Variants in PRDM1 observed in about 807,000 individuals in gnomAD.
PRDM1 encodes the protein PR domain zinc finger protein 1.
PRDM1 carries 13 observed loss-of-function variants against 62.8 expected under a neutral mutation model. The observed-to-expected ratio is 0.21, with a 90% CI of 0.13 to 0.33. The LOEUF is 0.33. Ranked by LOEUF, PRDM1 falls within the 10% of genes least tolerant of loss-of-function variation. The pLI, the probability that PRDM1 is intolerant of heterozygous loss-of-function variation, is 1.00. For missense variants in PRDM1, 895 were observed against 1,058.8 expected (o/e 0.85, Z 2.15); for synonymous variants, 396 against 417.6 (o/e 0.95, Z 0.63).
At chr6:106,058,798 G>A (rs372240150) in intron 1 of PRDM1, among the ~76,000 whole-genome samples, 6 of 152,060 alleles carry the variant, frequency 3.9e-5, no homozygotes, top group Admixed American at 6.5e-5. Context: ...TTGAACTCCC[G>A]ACCTCAGGTG....
chr6:106,083,366 C>CT (rs982111303), upstream of PRDM1, among the ~76,000 whole-genome samples: 68 of 151,604 alleles, frequency 4.5e-4, no homozygotes, highest in Non-Finnish European at 2.5e-4. Flanking sequence ...CATTTCATCC[C>CT]TTTTTTTTAC....
chr6:106,053,146 C>G (rs80162042), intron 1 of PRDM1, among the ~76,000 whole-genome samples: 3,717 of 152,126 alleles, frequency 0.024, 59 homozygotes, highest in Middle Eastern at 0.045. Context: ...GGAAACTGGA[C>G]TCAATTTCAT....
chr6:106,101,726 A>G (rs1554204631), intron 4 of PRDM1, among the ~76,000 whole-genome samples: 1 of 152,236 alleles, frequency 6.6e-6, no homozygotes, highest in Non-Finnish European at 1.5e-5. Context: ...GTGTCTCCAA[A>G]TGAACTGTGT....
At chr6:106,042,283 G>A (rs1257101421) in intron 1 of PRDM1, among the ~76,000 whole-genome samples, 3 of 151,178 alleles carry the variant, frequency 2.0e-5, no homozygotes, top group African/African-American at 7.3e-5. Context: ...CACTTTGGGA[G>A]GTCGAGGCGG....
rs951290929 is a variant in PRDM1, at chr6:105,995,722, G to GT, written c.-67+2095dup. On this transcript the variant is annotated intron_variant, in intron 1 of 6. Coordinates refer to the PRDM1 transcript ENST00000652320. The stretch of plus-strand genomic sequence containing the variant: ...GTATTACATTGTCCTTTGAATGAAA[G>GT]TTTTTTTTTTTTAATCAGTCAGCTA... Among the ~76,000 whole-genome samples the GT allele has an allele frequency of 2.7e-3, 398 of 147,014 alleles. 2 individuals carry two copies. Among genetic ancestry groups the GT allele is most frequent in the South Asian group, 5.2e-3 (24 of 4,634 alleles).
chr6:106,084,204 A>G (rs766517731), upstream of PRDM1, among the ~76,000 whole-genome samples: 2 of 152,058 alleles, frequency 1.3e-5, no homozygotes, highest in Non-Finnish European at 2.9e-5. Flanking sequence ...GAAGGACTTT[A>G]CATTCCAACA....
intron 1 of PRDM1, chr6:106,087,980 C>CTTTTTTTTTTTTTTTT (rs34001545): frequency 7.4e-6 from 1 of 135,318 alleles, no homozygotes; most frequent in Non-Finnish European, 1.3e-5. Context: ...TTGCCACATT[C>CTTTTTTTTTTTTTTTT]TTTTTTTTTT....
intron 1 of PRDM1, among the ~76,000 whole-genome samples, chr6:106,010,757 C>T (rs1377452215): frequency 6.6e-6 from 1 of 152,174 alleles, no homozygotes; most frequent in Non-Finnish European, 1.5e-5. Context: ...CGTGCCCTGT[C>T]GTGTCAGGGG....
chr6:105,992,738 C>T (rs1191636239), upstream of PRDM1, among the ~76,000 whole-genome samples: 3 of 152,230 alleles, frequency 2.0e-5, no homozygotes, highest in Non-Finnish European at 2.9e-5. Context: ...GGAAACAATG[C>T]ACCTCCCTCC....
intron 1 of PRDM1, among the ~76,000 whole-genome samples, chr6:105,997,138 C>G (rs908681525): frequency 2.0e-5 from 3 of 152,208 alleles, no homozygotes; most frequent in Non-Finnish European, 4.4e-5. Context: ...AAGTGGAAGA[C>G]CAGTAACTCA....
chr6:106,002,928 A>G (rs1320920529), intron 1 of PRDM1, among the ~76,000 whole-genome samples: 1 of 152,208 alleles, frequency 6.6e-6, no homozygotes, highest in Non-Finnish European at 1.5e-5. Context: ...CTTTTGGAGC[A>G]TTCAGCAGGA....
chr6:106,064,132 AGGAT>A, intron 1 of PRDM1, among the ~76,000 whole-genome samples: 1 of 152,348 alleles, frequency 6.6e-6, no homozygotes, highest in Middle Eastern at 3.4e-3. Flanking sequence ...AGCTGGAGGT[AGGAT>A]TAAACAGTAG....
At chr6:106,027,997 A>G (rs1234729432) in intron 1 of PRDM1, among the ~76,000 whole-genome samples, 3 of 152,196 alleles carry the variant, frequency 2.0e-5, no homozygotes, top group Non-Finnish European at 1.5e-5. Flanking sequence ...GCACCAATAG[A>G]GTTGAGACTG....
chr6:106,098,982 A>G, intron 3 of PRDM1: 1 of 1,569,394 alleles, frequency 6.4e-7, no homozygotes, highest in Non-Finnish European at 8.6e-7. Flanking sequence ...TAGCAAAAGT[A>G]GTACTCTGTG....
intron 1 of PRDM1, among the ~76,000 whole-genome samples, chr6:106,077,822 G>A (rs1338837859): frequency 6.6e-6 from 1 of 152,096 alleles, no homozygotes; most frequent in African/African-American, 2.4e-5. Context: ...ATGAAACAGA[G>A]GTCAATAAGG....
chr6:106,086,451 C>G lies in PRDM1; in HGVS notation c.-103C>G. 1.0e-5 allele frequency: 12 copies of G among 1,204,792 alleles called. No homozygotes were observed. The highest frequency in any genetic ancestry group is 1.4e-5 in the Non-Finnish European group (12 of 857,682). The allele number at this position is 1,204,792 out of a possible 1,614,324, so 74.6% of individuals were successfully genotyped here. On this transcript the variant is annotated 5_prime_UTR_variant, in exon 1 of 7. Coordinates refer to ENST00000369096, the MANE Select transcript of PRDM1 (RefSeq NM_001198.4). ...GGACGCGGGCGCCCGGGCGGCCGGA[C>G]GAAGCGAGGAGGGACCGCCGAGGTG...
intron 1 of PRDM1, among the ~76,000 whole-genome samples, chr6:106,057,182 T>G (rs566391499): frequency 1.3e-5 from 2 of 152,320 alleles, no homozygotes; most frequent in Non-Finnish European, 1.5e-5. Flanking sequence ...ATAAAATAAA[T>G]GCATTATAAG....
intron 1 of PRDM1, among the ~76,000 whole-genome samples, chr6:106,041,562 T>G (rs1772994725): frequency 6.6e-6 from 1 of 152,202 alleles, no homozygotes; most frequent in Non-Finnish European, 1.5e-5. Context: ...CAGGCATGAC[T>G]ATGAAGAAAT....
Position 106,012,672 on chromosome 6 carries a change from G to T in PRDM1, c.-67+19033G>T, listed in dbSNP as rs1582425577. 3.3e-5 allele frequency among the ~76,000 whole-genome samples: 5 copies of T among 152,082 alleles called. No homozygotes were observed. In the South Asian group the frequency reaches 1.0e-3, roughly 32 times the overall value. Reference sequence around the variant, plus strand: ...CCACTATTATACTTGCTTTGCAGCTGGCAACTCCCCCTCTCCCAGCACCTG... The same window carrying T: ...CCACTATTATACTTGCTTTGCAGCTTGCAACTCCCCCTCTCCCAGCACCTG... On this transcript the variant is annotated intron_variant, in intron 1 of 6. Coordinates refer to the PRDM1 transcript ENST00000652320.
Sources: gnomAD v4.1 joint callset for allele counts (sites outside exome capture counted in the v4.1 genomes callset) on GRCh38, gnomAD v4.1.1 for gene constraint, MANE v1.5 for transcripts, NCBI Gene and HGNC (gene_info 2026-07-23, HGNC 2026-07-21) for gene names.